FSTL5: variants seen among roughly 807,000 people sequenced by gnomAD.
FSTL5 encodes the protein follistatin like 5.
A neutral mutation model predicts 89.1 loss-of-function variants in FSTL5; 62 were observed. The observed-to-expected ratio is 0.70, with a 90% confidence interval of 0.57 to 0.86. The LOEUF is 0.86. FSTL5 is among the 40% of genes least tolerant of loss of function. FSTL5 has a pLI of 0.00. For missense variants in FSTL5, 1,057 were observed against 1,001.6 expected, an observed-to-expected ratio of 1.06 and a Z score of -0.75; for synonymous variants, 383 against 346.2, an observed-to-expected ratio of 1.11 and a Z score of -1.18.
chr4:162,140,772 T>C (rs1732697930), intron 1 of FSTL5, among the ~76,000 whole-genome samples: 1 of 152,124 alleles, frequency 6.6e-6, no homozygotes, highest in South Asian at 2.1e-4. Flanking sequence ...GATAAAACAA[T>C]ATACAGGTTT....
chr4:162,106,096 C>G (rs191928072), intron 2 of FSTL5, among the ~76,000 whole-genome samples: 29 of 152,292 alleles, frequency 1.9e-4, no homozygotes, highest in Middle Eastern at 3.4e-3. Context: ...TTGAATTATA[C>G]TGTACTATCA....
At chr4:161,803,982 A>G (rs986562933) in intron 4 of FSTL5, among the ~76,000 whole-genome samples, 5 of 151,966 alleles carry the variant, frequency 3.3e-5, no homozygotes, top group African/African-American at 9.7e-5. Context: ...AGTCTTTGAG[A>G]TTGTGGACTG....
At chr4:161,810,076 A>G (rs954391593) in intron 4 of FSTL5, among the ~76,000 whole-genome samples, 1 of 152,136 alleles carries the variant, frequency 6.6e-6, no homozygotes, top group Non-Finnish European at 1.5e-5. Context: ...ACAATTTTAG[A>G]TGTTAATTAT....
intron 4 of FSTL5, among the ~76,000 whole-genome samples, chr4:161,838,412 A>G (rs1220159709): frequency 6.6e-6 from 1 of 152,124 alleles, no homozygotes; most frequent in Non-Finnish European, 1.5e-5. Context: ...TCTGCCGAGT[A>G]ACTGGGACTA....
intron 7 of FSTL5, among the ~76,000 whole-genome samples, chr4:161,645,544 TA>T (rs1454660561): frequency 6.6e-6 from 1 of 152,116 alleles, no homozygotes; most frequent in Non-Finnish European, 1.5e-5. Flanking sequence ...AAATCAGGAG[TA>T]AAAAGTTATT....
intron 13 of FSTL5, among the ~76,000 whole-genome samples, chr4:161,478,560 G>A (rs1170153693): frequency 6.6e-6 from 1 of 151,980 alleles, no homozygotes; most frequent in East Asian, 1.9e-4. Context: ...AACACTATGT[G>A]TGGAGGACAT....
chr4:162,138,563 T>A (rs971864814), intron 1 of FSTL5, among the ~76,000 whole-genome samples: 2 of 152,082 alleles, frequency 1.3e-5, no homozygotes, highest in East Asian at 3.9e-4. Flanking sequence ...TAAATTTTAA[T>A]AAGACCAGCA....
intron 3 of FSTL5, among the ~76,000 whole-genome samples, chr4:161,961,588 A>G (rs1041907008): frequency 2.6e-5 from 4 of 151,322 alleles, no homozygotes; most frequent in Non-Finnish European, 5.9e-5. Flanking sequence ...AGCTCTGAAG[A>G]GCATTCTTTC....
intron 14 of FSTL5, among the ~76,000 whole-genome samples, chr4:161,456,499 T>C (rs1733358597): frequency 6.6e-6 from 1 of 152,210 alleles, no homozygotes; most frequent in East Asian, 1.9e-4. Context: ...TAAGTAGAAT[T>C]TTCTGATCCT....
intron 4 of FSTL5, among the ~76,000 whole-genome samples, chr4:161,875,302 T>C (rs973125224): frequency 1.3e-5 from 2 of 152,172 alleles, no homozygotes; most frequent in Non-Finnish European, 2.9e-5. Flanking sequence ...GGAAATTGGC[T>C]GTCCCCAACA....
chr4:162,013,297 G>A (rs1736823288), intron 3 of FSTL5, among the ~76,000 whole-genome samples: 1 of 152,178 alleles, frequency 6.6e-6, no homozygotes, highest in South Asian at 2.1e-4. Flanking sequence ...GAATGACAGT[G>A]TTGAAGATCA....
chr4:162,112,031 C>G (rs922199389), intron 1 of FSTL5, among the ~76,000 whole-genome samples: 1 of 152,102 alleles, frequency 6.6e-6, no homozygotes, highest in Non-Finnish European at 1.5e-5. Context: ...TCTACTTCAG[C>G]CTTTCTATGT....
At chr4:161,651,715 A>G (rs1454652089) in intron 7 of FSTL5, among the ~76,000 whole-genome samples, 1 of 152,196 alleles carries the variant, frequency 6.6e-6, no homozygotes, top group Non-Finnish European at 1.5e-5. Context: ...GTGCTGAGAC[A>G]CAGAGGGTTT....
chr4:161,651,377 C>T (rs1353390341), intron 7 of FSTL5, among the ~76,000 whole-genome samples: 1 of 151,070 alleles, frequency 6.6e-6, no homozygotes, highest in African/African-American at 2.4e-5. Flanking sequence ...TTTACAGTGG[C>T]TATTATAACT....
chr4:162,163,458 A>AT lies in FSTL5; in HGVS notation c.-17+156dup, dbSNP rs200470513. ...TCTTGTAATAATAATAATAATAATA[A>AT]TAATAATAATAGTAATTATTAAAAT... On this transcript the variant is annotated intron_variant, in intron 1 of 15. Transcript: ENST00000306100. Among the ~76,000 whole-genome samples the AT allele has an allele frequency of 8.0e-3, 967 of 120,152 alleles. 8 individuals carry two copies. Among genetic ancestry groups the AT allele is most frequent in the Non-Finnish European group, 0.013 (746 of 55,654 alleles). The allele number at this position is 120,152 out of a possible 152,430, so 78.8% of individuals were successfully genotyped here.
intron 7 of FSTL5, among the ~76,000 whole-genome samples, chr4:161,644,314 G>C (rs891043603): frequency 1.3e-5 from 2 of 152,088 alleles, no homozygotes; most frequent in East Asian, 3.9e-4. Flanking sequence ...ATCAGATGAG[G>C]TCAGGAGTTC....
chr4:161,491,843 A>AG, intron 12 of FSTL5, among the ~76,000 whole-genome samples: 1 of 148,952 alleles, frequency 6.7e-6, no homozygotes, highest in Non-Finnish European at 1.5e-5. Context: ...CTGTCTCAAA[A>AG]AAAAAAAAAA....
intron 7 of FSTL5, among the ~76,000 whole-genome samples, chr4:161,655,405 C>T (rs1029890442): frequency 6.6e-6 from 1 of 151,938 alleles, no homozygotes; most frequent in South Asian, 2.1e-4. Flanking sequence ...GAACACATGA[C>T]CCCAGATTGA....
At chr4:161,574,252 C>A (rs1733132013) in intron 8 of FSTL5, among the ~76,000 whole-genome samples, 1 of 151,960 alleles carries the variant, frequency 6.6e-6, no homozygotes, top group South Asian at 2.1e-4. Context: ...ATGTGGAAAT[C>A]TTTTGGAGAG....
Sources: allele counts gnomAD v4.1 joint callset (sites outside exome capture counted in the v4.1 genomes callset), GRCh38; gene constraint gnomAD v4.1.1; transcripts MANE v1.5; gene names NCBI Gene and HGNC (gene_info 2026-07-23, HGNC 2026-07-21).